Variants in PYGL observed in about 807,000 individuals in gnomAD.
PYGL encodes glycogen phosphorylase L, also known as glycogen phosphorylase, liver form.
In PYGL, 90 loss-of-function variants were observed where a neutral mutation model predicts 100.1. The observed-to-expected ratio is 0.90, with a 90% CI of 0.76 to 1.07. PYGL has a LOEUF of 1.07. Ranked by LOEUF, PYGL falls within the 50% of genes least tolerant of loss-of-function variation. The pLI is 0.00. For synonymous variants in PYGL, 373 were observed against 393.0 expected (o/e 0.95, Z 0.60); for missense variants, 1,016 against 1,057.6 (o/e 0.96, Z 0.55).
intron 1 of PYGL, among the ~76,000 whole-genome samples, chr14:50,941,924 A>G (rs2050705348): frequency 6.6e-6 from 1 of 152,156 alleles, no homozygotes; most frequent in Admixed American, 6.5e-5. Flanking sequence ...GGGAGAAATA[A>G]TGGTTTGAGT....
chr14:50,906,252 A>G (rs2050335541), intron 19 of PYGL, among the ~76,000 whole-genome samples: 1 of 152,222 alleles, frequency 6.6e-6, no homozygotes. Context: ...AGTGTATTGG[A>G]AGTGAACAGA....
intron 18 of PYGL, 58 bp from the exon 19 acceptor site, chr14:50,908,395 A>T (rs2050355087): frequency 7.2e-7 from 1 of 1,386,836 alleles, no homozygotes; most frequent in Non-Finnish European, 1.0e-6. Context: ...TAATAGATAT[A>T]TGCTAAAATT....
At chr14:50,925,927 G>A (rs1056552039) in intron 4 of PYGL, among the ~76,000 whole-genome samples, 15 of 152,160 alleles carry the variant, frequency 9.9e-5, no homozygotes, top group Non-Finnish European at 1.5e-5. Flanking sequence ...AGTAGGTCTG[G>A]GGAGGGGCCT....
chr14:50,942,374 G>A (rs2139203550), intron 1 of PYGL, among the ~76,000 whole-genome samples: 1 of 140,100 alleles, frequency 7.1e-6, no homozygotes, highest in South Asian at 2.5e-4. Flanking sequence ...AGATTCTCTG[G>A]TGCTCTATGA....
chr14:50,937,062 T>C (rs541755943), intron 2 of PYGL, among the ~76,000 whole-genome samples: 1 of 152,258 alleles, frequency 6.6e-6, no homozygotes. Flanking sequence ...GCAAAGGAAA[T>C]GAAAAGTTTG....
At position 50,913,272 on chromosome 14, in the gene PYGL, G is replaced by C. The variant is rs112794930; in HGVS notation, c.1519-142C>G. ...AGAACATGGGATAGTTTGACTCAAA[G>C]AAGAGTCTATAAAGTCTATGTGAGA... On this transcript the variant is annotated intron_variant, in intron 12 of 19. Coordinates refer to ENST00000216392, the MANE Select transcript of PYGL (RefSeq NM_002863.5). 3.3e-5 allele frequency: 24 copies of C among 717,726 alleles called. No homozygotes were observed. The African/African-American group carries it at 3.5e-4, about 10-fold the overall frequency. The allele number at this position is 717,726 out of a possible 1,614,324, so 44.5% of individuals were successfully genotyped here.
rs140761837 is a variant in PYGL, at chr14:50,913,788, C to G, written c.1519-658G>C. On this transcript the variant is annotated intron_variant, in intron 12 of 19. Transcript: ENST00000216392. ...CACTGCAGCCTTGACCTCCTGGGCT[C>G]AAGCAATCCTCTTGCCTCAGCCTCT... Among the ~76,000 whole-genome samples, 304 of 152,238 alleles carry G rather than the reference C, an allele frequency of 2.0e-3. 2 individuals are homozygous for G. The highest frequency in any genetic ancestry group is 0.017 in the East Asian group (86 of 5,180).
rs758005615 is a variant in PYGL, at chr14:50,924,048, C to A, written c.581G>T (p.Arg194Leu). The change falls in exon 5 of 20, where the codon CGC (arginine) becomes CTC (leucine). Residue 194 changes from arginine (R) to leucine (L), a missense_variant. Coordinates refer to ENST00000216392, the MANE Select transcript of PYGL (RefSeq NM_002863.5). ...LRYGNPWEKS[R>L]PEFMLPVHFY... ...GTGCACAGGCAGCATGAATTCTGGG[C>A]GGGACTTCTCCCAAGGGTTTCCATA... The A allele has an allele frequency of 1.9e-6, 3 of 1,613,600 alleles. No homozygotes were observed. The highest frequency in any genetic ancestry group is 3.3e-5 in the Admixed American group (2 of 60,014).
Position 50,915,370 on chromosome 14 carries a change from C to T in PYGL, c.1369G>A (p.Ala457Thr). The T allele has an allele frequency of 1.2e-6, 2 of 1,614,170 alleles. No homozygotes were observed. Among genetic ancestry groups the T allele is most frequent in the African/African-American group, 1.3e-5 (1 of 75,022 alleles). ...TTCACGATGTCTGAGTGGATTTTAG[C>T]CACGCCATTCACAGCATGGGAACCG... The part of the protein sequence containing the change: ...IVGSHAVNGV[A>T]KIHSDIVKTK... The change falls in exon 11 of 20, where the codon GCT becomes ACT. Residue 457 changes from alanine to threonine, a missense_variant. Physicochemically the swap from Ala to Thr is moderately conservative, Grantham distance 58. Coordinates refer to ENST00000216392, the MANE Select transcript of PYGL (RefSeq NM_002863.5).
In PYGL at chr14:50,924,064, G is replaced by C. The variant is rs2050525766; in HGVS notation, c.565C>G (p.Pro189Ala). 1 of 1,613,672 alleles carries C rather than the reference G, an allele frequency of 6.2e-7. No individual in the cohort carries two copies. The highest frequency in any genetic ancestry group is 8.5e-7 in the Non-Finnish European group (1 of 1,179,730). ...EADDWLRYGNPWEKSRPEFML... is the reference protein window; with the variant it reads ...EADDWLRYGNAWEKSRPEFML... ...AATTCTGGGCGGGACTTCTCCCAAGGGTTTCCATATCTGAGCCAATCATCT... is the reference window on the plus strand; with the variant it reads ...AATTCTGGGCGGGACTTCTCCCAAGCGTTTCCATATCTGAGCCAATCATCT... Residue 189 changes from proline to alanine, a missense_variant, in exon 5 of 20, where the codon CCT (proline) becomes GCT (alanine). Coordinates refer to ENST00000216392, the MANE Select transcript of PYGL (RefSeq NM_002863.5).
At chr14:50,929,240 T>TG (rs937571595) in intron 4 of PYGL, among the ~76,000 whole-genome samples, 5 of 151,694 alleles carry the variant, frequency 3.3e-5, no homozygotes, top group African/African-American at 4.8e-5. Context: ...TAGTAGAGAC[T>TG]GGGGGTTTCA....
Position 50,935,108 on chromosome 14 carries a change from A to G in PYGL, c.423T>C (p.Ala141=). 6.2e-7 allele frequency: 1 copy of G among 1,606,120 alleles called. No individual in the cohort carries two copies. Among genetic ancestry groups the G allele is most frequent in the Non-Finnish European group, 8.5e-7 (1 of 1,172,660 alleles). Residue 141 remains alanine, a splice_region_variant and synonymous_variant, in exon 3 of 20, where the codon GCT becomes GCC. Transcript: ENST00000216392. ...GLGNGGLGRL[A]ACFLDSMATL... ...TAATACACTCACAATGTCACTTACC[A>G]GCAAGTCTCCCAAGACCACCATTGC...
intron 1 of PYGL, among the ~76,000 whole-genome samples, chr14:50,942,967 G>A (rs1294429896): frequency 6.6e-6 from 1 of 152,208 alleles, no homozygotes; most frequent in Non-Finnish European, 1.5e-5. Flanking sequence ...TCTTTGGGGT[G>A]AAGAAGAGTT....
chr14:50,929,432 T>A (rs2050583554), intron 4 of PYGL, among the ~76,000 whole-genome samples: 1 of 152,214 alleles, frequency 6.6e-6, no homozygotes, highest in African/African-American at 2.4e-5. Flanking sequence ...GAATACATGC[T>A]TTCTTGGTCT....
intron 7 of PYGL, among the ~76,000 whole-genome samples, chr14:50,918,912 G>T (rs2050476231): frequency 6.6e-6 from 1 of 152,200 alleles, no homozygotes; most frequent in Non-Finnish European, 1.5e-5. Context: ...CTGGGGCTCT[G>T]AACTCCCTAA....
At chr14:50,931,546 T>C in intron 4 of PYGL, 127 bp downstream of exon 4, 1 of 867,552 alleles carries the variant, frequency 1.2e-6, no homozygotes, top group South Asian at 1.5e-5. Context: ...TAGAACTCAC[T>C]GATACCAACC....
chr14:50,916,208 T>A (rs1330736412), intron 9 of PYGL, among the ~76,000 whole-genome samples: 1 of 152,268 alleles, frequency 6.6e-6, no homozygotes, highest in Admixed American at 6.5e-5. Context: ...CTGATCAATC[T>A]ATCTACTATC....
At chr14:50,935,743 A>G (rs909291284) in intron 2 of PYGL, among the ~76,000 whole-genome samples, 2 of 152,252 alleles carry the variant, frequency 1.3e-5, no homozygotes, top group African/African-American at 2.4e-5. Flanking sequence ...AGAATGGACT[A>G]AAGTTCATCT....
At chr14:50,911,049 ACCAC>A (rs2142790133) in intron 16 of PYGL, among the ~76,000 whole-genome samples, 1 of 152,340 alleles carries the variant, frequency 6.6e-6, no homozygotes, top group East Asian at 1.9e-4. Context: ...ACCTAAAAAC[ACCAC>A]AAAAAGAAAA....
Sources: allele counts gnomAD v4.1 joint callset (sites outside exome capture counted in the v4.1 genomes callset), GRCh38; gene constraint gnomAD v4.1.1; transcripts MANE v1.5; gene names NCBI Gene and HGNC (gene_info 2026-07-23, HGNC 2026-07-21).